Variants in PRUNE2 observed in about 807,000 individuals in gnomAD.
PRUNE2 encodes the protein protein prune homolog 2.
A neutral mutation model predicts 252.0 loss-of-function variants in PRUNE2; 164 were observed. The observed-to-expected ratio is 0.65, with a 90% CI of 0.57 to 0.74. PRUNE2 has a LOEUF of 0.74. PRUNE2 is among the 30% of genes least tolerant of loss of function. The probability of loss-of-function intolerance (pLI) is 0.00; values close to 1 mark genes in which losing one functional copy is unlikely to be tolerated. For synonymous variants in PRUNE2, 1,292 were observed against 1,350.2 expected, an observed-to-expected ratio of 0.96 and a Z score of 0.94; for missense variants, 3,495 against 3,711.0, an observed-to-expected ratio of 0.94 and a Z score of 1.51.
chr9:76,705,434 C>T lies in PRUNE2; in HGVS notation c.6840G>A (p.Leu2280=). The change falls in exon 8 of 19, where the codon TTG becomes TTA. Residue 2280 remains leucine (L), a synonymous_variant. Coordinates refer to ENST00000376718, the MANE Select transcript of PRUNE2 (RefSeq NM_015225.3). ...CTGAGGCTAGCAAAGCATCAGGAAC[C>T]AAGGCAGGATTCTCTGTGGATAAAT... ...DPHLSTENPA[L]VPDALLASDT... 5.6e-6 allele frequency: 9 copies of T among 1,613,920 alleles called. No individual in the cohort carries two copies. Among genetic ancestry groups the T allele is most frequent in the Non-Finnish European group, 7.6e-6 (9 of 1,179,840 alleles).
chr9:76,656,966 T>C (rs1298816873), intron 9 of PRUNE2, among the ~76,000 whole-genome samples: 2 of 152,230 alleles, frequency 1.3e-5, no homozygotes, highest in Admixed American at 6.5e-5. Context: ...CAAGACAACC[T>C]GTGCCAAACA....
chr9:76,749,270 T>G (rs2050404283), intron 6 of PRUNE2, among the ~76,000 whole-genome samples: 2 of 152,240 alleles, frequency 1.3e-5, no homozygotes, highest in Non-Finnish European at 2.9e-5. Context: ...GAACTCTGAC[T>G]GCAGTTCTTT....
intron 9 of PRUNE2, among the ~76,000 whole-genome samples, chr9:76,663,602 G>T (rs1418175026): frequency 6.6e-6 from 1 of 152,138 alleles, no homozygotes; most frequent in East Asian, 1.9e-4. Flanking sequence ...AGTGTACATG[G>T]TTTTGCATGT....
intron 5 of PRUNE2, among the ~76,000 whole-genome samples, chr9:76,825,444 C>T (rs546813441): frequency 4.6e-5 from 7 of 152,228 alleles, no homozygotes; most frequent in Non-Finnish European, 8.8e-5. Flanking sequence ...CTTGCTGAAG[C>T]ATTCCATTCC....
At chr9:76,736,354 G>A (rs2049074542) in intron 6 of PRUNE2, 2 of 152,154 alleles carry the variant, frequency 1.3e-5, no homozygotes, top group African/African-American at 4.8e-5. Context: ...AAAAGAAAGA[G>A]GAAGTTCCAG....
At chr9:76,635,055 C>T (rs932747739) in intron 15 of PRUNE2, among the ~76,000 whole-genome samples, 1 of 152,114 alleles carries the variant, frequency 6.6e-6, no homozygotes, top group African/African-American at 2.4e-5. Flanking sequence ...TCACTGCAAC[C>T]TCCTCCCAGG....
chr9:76,854,402 A>T (rs1422560768), intron 1 of PRUNE2, among the ~76,000 whole-genome samples, 194 bp from the exon 2 acceptor site: 1 of 152,192 alleles, frequency 6.6e-6, no homozygotes, highest in Admixed American at 6.5e-5. Flanking sequence ...ATTCACTCAA[A>T]CTCTAGTAAA....
At chr9:76,750,896 G>C (rs1335151831) in intron 6 of PRUNE2, among the ~76,000 whole-genome samples, 1 of 152,176 alleles carries the variant, frequency 6.6e-6, no homozygotes, top group African/African-American at 2.4e-5. Flanking sequence ...CTAAAGGATC[G>C]TTTGTGGGAA....
intron 17 of PRUNE2, among the ~76,000 whole-genome samples, chr9:76,620,485 A>G (rs1831795403): frequency 6.6e-6 from 1 of 152,156 alleles, no homozygotes; most frequent in Admixed American, 6.5e-5. Flanking sequence ...TATTCTATTT[A>G]AAGAGCTTCT....
chr9:76,890,061 T>C (rs1427250388), intron 1 of PRUNE2, among the ~76,000 whole-genome samples: 1 of 152,184 alleles, frequency 6.6e-6, no homozygotes, highest in Non-Finnish European at 1.5e-5. Context: ...TGCAGTCTGT[T>C]GAAGTGGAAA....
intron 1 of PRUNE2, among the ~76,000 whole-genome samples, chr9:76,886,536 C>T (rs532567644): frequency 1.1e-4 from 17 of 152,306 alleles, no homozygotes; most frequent in Admixed American, 2.6e-4. Flanking sequence ...CACTGACTTC[C>T]GGACAGAAGC....
At chr9:76,847,689 G>A (rs1041213208) in intron 3 of PRUNE2, among the ~76,000 whole-genome samples, 1 of 152,166 alleles carries the variant, frequency 6.6e-6, no homozygotes, top group African/African-American at 2.4e-5. Flanking sequence ...AAGGCAGGAA[G>A]AAAAGTTTGG....
intron 3 of PRUNE2, among the ~76,000 whole-genome samples, chr9:76,847,453 T>C (rs1450093314): frequency 6.6e-6 from 1 of 152,004 alleles, no homozygotes; most frequent in African/African-American, 2.4e-5. Context: ...TGTATAATAC[T>C]TTTAAAAAGT....
intron 5 of PRUNE2, among the ~76,000 whole-genome samples, chr9:76,826,336 G>C (rs1489038293): frequency 1.3e-5 from 2 of 152,128 alleles, no homozygotes; most frequent in Non-Finnish European, 2.9e-5. Flanking sequence ...TTAGCTGACT[G>C]TCATGGTGCA....
intron 4 of PRUNE2, among the ~76,000 whole-genome samples, chr9:76,828,381 T>C (rs1482265167): frequency 6.6e-6 from 1 of 152,152 alleles, no homozygotes; most frequent in African/African-American, 2.4e-5. Context: ...TAGAGATAGA[T>C]AGCGGGACCA....
chr9:76,854,401 A>G (rs1213580653), intron 1 of PRUNE2, among the ~76,000 whole-genome samples, 193 bp from the exon 2 acceptor site: 1 of 152,238 alleles, frequency 6.6e-6, no homozygotes, highest in African/African-American at 2.4e-5. Flanking sequence ...TATTCACTCA[A>G]ACTCTAGTAA....
chr9:76,622,262 C>T (rs903962453), intron 17 of PRUNE2, among the ~76,000 whole-genome samples: 1 of 152,024 alleles, frequency 6.6e-6, no homozygotes, highest in African/African-American at 2.4e-5. Flanking sequence ...GCCATTTAGA[C>T]ACATTGGGAG....
At chr9:76,773,438 C>CT (rs35078779) in intron 6 of PRUNE2, among the ~76,000 whole-genome samples, 1,457 of 107,534 alleles carry the variant, frequency 0.014, 28 homozygotes, top group South Asian at 0.027. Flanking sequence ...ACTAGTACAT[C>CT]TTTTTTTTTT....
intron 11 of PRUNE2, among the ~76,000 whole-genome samples, chr9:76,650,900 G>A (rs368838109): frequency 6.6e-6 from 1 of 152,116 alleles, no homozygotes; most frequent in Admixed American, 6.6e-5. Flanking sequence ...AAGCAAATAC[G>A]GAGGCAAGAG....
Sources: gnomAD v4.1 joint callset for allele counts (sites outside exome capture counted in the v4.1 genomes callset) on GRCh38, gnomAD v4.1.1 for gene constraint, MANE v1.5 for transcripts, NCBI Gene and HGNC (gene_info 2026-07-23, HGNC 2026-07-21) for gene names.